BCAT1: variants seen among roughly 807,000 people sequenced by gnomAD.
The protein encoded by BCAT1 is branched-chain-amino-acid aminotransferase, cytosolic.
A neutral mutation model predicts 52.4 loss-of-function variants in BCAT1; 48 were observed. The ratio of observed to expected loss-of-function variants is 0.92; its 90% CI spans 0.73 to 1.16. The LOEUF is 1.16. Among genes scored for constraint, BCAT1 ranks in the 50% most tolerant of loss-of-function variants. The pLI is 0.00. For missense variants in BCAT1, 451 were observed against 457.1 expected (o/e 0.99, Z 0.12); for synonymous variants, 167 against 161.3 (o/e 1.04, Z -0.27).
rs1212180333 is a variant in BCAT1, at chr12:24,826,252, G to A, written c.1119+3571C>T. Among the ~76,000 whole-genome samples, 13 of 152,274 alleles carry A rather than the reference G, an allele frequency of 8.5e-5. 1 individual carries two copies. In the East Asian group the frequency reaches 2.3e-3, roughly 27 times the overall value. On this transcript the variant is annotated intron_variant, in intron 10 of 10. Transcript: ENST00000261192. ...AGCATTTCCTTAATGTTTTCTTCAAGTAATTTCATAGTTTCAGGTCTAAGA... is the reference window on the plus strand; with the variant it reads ...AGCATTTCCTTAATGTTTTCTTCAAATAATTTCATAGTTTCAGGTCTAAGA...
At chr12:24,901,002 G>A (rs1488873611) in intron 2 of BCAT1, among the ~76,000 whole-genome samples, 2 of 152,242 alleles carry the variant, frequency 1.3e-5, no homozygotes, top group Non-Finnish European at 2.9e-5. Flanking sequence ...GACAGCAAGA[G>A]AAGGAAAAAG....
chr12:24,933,109 C>CTTTTTTTTTT (rs57512325), intron 1 of BCAT1, among the ~76,000 whole-genome samples: 1 of 68,578 alleles, frequency 1.5e-5, no homozygotes, highest in African/African-American at 6.2e-5. Flanking sequence ...CACGCCTGGC[C>CTTTTTTTTTT]TTTTTTTTTT....
intron 1 of BCAT1, chr12:24,903,211 G>A (rs1310055395): frequency 1.9e-6 from 2 of 1,034,972 alleles, no homozygotes; most frequent in African/African-American, 1.7e-5. Flanking sequence ...TCTGTCTGCA[G>A]TCGCTAAAAC....
At chr12:24,908,775 T>G (rs2139697559) in intron 1 of BCAT1, among the ~76,000 whole-genome samples, 1 of 152,342 alleles carries the variant, frequency 6.6e-6, no homozygotes, top group South Asian at 2.1e-4. Context: ...TTTTTTCAAA[T>G]GTAAATAGCT....
intron 5 of BCAT1, among the ~76,000 whole-genome samples, chr12:24,872,155 A>C (rs903843780): frequency 2.6e-5 from 4 of 152,248 alleles, no homozygotes; most frequent in Admixed American, 2.0e-4. Flanking sequence ...GAGGCAGTGA[A>C]TAAGGAAAAT....
intron 4 of BCAT1, among the ~76,000 whole-genome samples, chr12:24,879,298 T>A (rs1942430750): frequency 6.6e-6 from 1 of 152,182 alleles, no homozygotes; most frequent in East Asian, 1.9e-4. Flanking sequence ...GGTATATATA[T>A]TTGGATATCC....
chr12:24,826,461 T>C (rs1075063), intron 10 of BCAT1, among the ~76,000 whole-genome samples: 92,820 of 152,032 alleles, frequency 0.61, 29,020 homozygotes, highest in East Asian at 0.83. Context: ...TGGACTTAGG[T>C]ATCTGGGTTC....
rs1257250767 is a variant in BCAT1 at position 24,811,011 on chromosome 12, C to A, written c.*6997G>T. On this transcript the variant is annotated 3_prime_UTR_variant, in exon 11 of 11. Transcript: ENST00000261192. ...TATGGTGTTTATCAGTGATGTAGAT[C>A]CATTATGACAATGAATGGGAAGAGG... The A allele has an allele frequency of 6.6e-6, 1 of 152,100 alleles. No homozygotes were observed. The highest frequency in any genetic ancestry group is 1.5e-5 in the Non-Finnish European group (1 of 68,016). The allele number at this position is 152,100 out of a possible 1,614,324, so 9.4% of individuals were successfully genotyped here.
intron 5 of BCAT1, among the ~76,000 whole-genome samples, chr12:24,850,188 C>A (rs7978032): frequency 0.028 from 4,217 of 152,218 alleles, 94 homozygotes; most frequent in Middle Eastern, 0.065. Flanking sequence ...AGCAAAAAAG[C>A]TAGATTTGTC....
chr12:24,897,071 T>G (rs1942977244), intron 2 of BCAT1, among the ~76,000 whole-genome samples: 1 of 152,210 alleles, frequency 6.6e-6, no homozygotes, highest in Non-Finnish European at 1.5e-5. Flanking sequence ...GGGAGGACCC[T>G]GGGCTAAGAA....
intron 1 of BCAT1, among the ~76,000 whole-genome samples, chr12:24,947,158 G>A (rs1011168758): frequency 7.7e-5 from 10 of 129,344 alleles, no homozygotes; most frequent in East Asian, 2.3e-4. Flanking sequence ...TAGGCCTCCC[G>A]TCTTCCCTCC....
At chr12:24,928,831 G>A (rs1943635720) in intron 1 of BCAT1, among the ~76,000 whole-genome samples, 1 of 151,916 alleles carries the variant, frequency 6.6e-6, no homozygotes, top group African/African-American at 2.4e-5. Context: ...TGCCTCCCAG[G>A]TTCAAGCAAT....
intron 1 of BCAT1, among the ~76,000 whole-genome samples, chr12:24,924,049 C>T (rs1407670495): frequency 2.0e-5 from 3 of 152,340 alleles, no homozygotes; most frequent in African/African-American, 7.2e-5. Flanking sequence ...CAGCACTAGA[C>T]ATTTTCAACC....
At chr12:24,835,744 A>T (rs1940891798) in intron 8 of BCAT1, among the ~76,000 whole-genome samples, 1 of 151,890 alleles carries the variant, frequency 6.6e-6, no homozygotes, top group Non-Finnish European at 1.5e-5. Context: ...ATGTACCACC[A>T]TGTTCAGCTA....
chr12:24,822,939 GT>G (rs563519447), intron 10 of BCAT1, among the ~76,000 whole-genome samples: 1 of 151,550 alleles, frequency 6.6e-6, no homozygotes, highest in African/African-American at 2.4e-5. Flanking sequence ...GGGAGAAAAG[GT>G]TTTTTCCCCG....
At chr12:24,902,844 G>C in intron 1 of BCAT1, 1 of 1,444,704 alleles carries the variant, frequency 6.9e-7, no homozygotes, top group East Asian at 2.8e-5. Context: ...GGCGAAGGAG[G>C]ATGGTGCAGG....
chr12:24,838,570 G>A (rs139597584), intron 7 of BCAT1, among the ~76,000 whole-genome samples: 1 of 152,100 alleles, frequency 6.6e-6, no homozygotes, highest in East Asian at 1.9e-4. Context: ...AAAGCTTGCT[G>A]AGCCCTGAGA....
Position 24,811,824 on chromosome 12 carries a change from T to A in BCAT1, c.*6184A>T, listed in dbSNP as rs1939695883. 6.6e-6 allele frequency: 1 copy of A among 152,176 alleles called. No homozygotes were observed. The highest frequency in any genetic ancestry group is 2.4e-5 in the African/African-American group (1 of 41,462). 9.4% of individuals were successfully genotyped at this position (152,176 alleles called of 1,614,324 possible). ...AATAGTAATTGCAATCAGATTCAGA[T>A]ACAAGAGAACAGGTTCTAACAATTT... On this transcript the variant is annotated 3_prime_UTR_variant, in exon 11 of 11. Transcript: ENST00000261192.
In BCAT1 at chr12:24,811,394, CTG is replaced by C. The variant is rs1221000846; in HGVS notation, c.*6612_*6613del. 3.3e-5 allele frequency: 5 copies of C among 152,128 alleles called. No homozygotes were observed. Among genetic ancestry groups the C allele is most frequent in the African/African-American group, 1.2e-4 (5 of 41,440 alleles). 9.4% of individuals were successfully genotyped at this position (152,128 alleles called of 1,614,324 possible). A position where few individuals can be genotyped will look rare whatever the true frequency, so the allele number is the denominator to read the frequency against. On this transcript the variant is annotated 3_prime_UTR_variant, in exon 11 of 11. Transcript: ENST00000261192. ...TCTTTTGTTTTATTGATAACAGAAA[CTG>C]TGCATAATTACAGATTTGATGAGGA...
Sources: allele counts gnomAD v4.1 joint callset (sites outside exome capture counted in the v4.1 genomes callset), GRCh38; gene constraint gnomAD v4.1.1; transcripts MANE v1.5; gene names NCBI Gene and HGNC (gene_info 2026-07-23, HGNC 2026-07-21).